Variants in GNAO1 observed in about 807,000 individuals in gnomAD.
GNAO1 encodes the protein guanine nucleotide-binding protein G(o) subunit alpha.
For missense variants in GNAO1, 166 were observed against 478.7 expected (o/e 0.35, Z 6.10); for synonymous variants, 164 against 180.7 (o/e 0.91, Z 0.74).
chr16:56,234,760 T>C (rs1181193986), intron 2 of GNAO1, among the ~76,000 whole-genome samples: 5 of 152,136 alleles, frequency 3.3e-5, no homozygotes, highest in East Asian at 1.9e-4. Flanking sequence ...AGTGACCACA[T>C]TGGGCATGCA....
intron 2 of GNAO1, among the ~76,000 whole-genome samples, chr16:56,268,032 G>A (rs1256105350): frequency 4.6e-5 from 7 of 152,136 alleles, no homozygotes; most frequent in South Asian, 4.1e-4. Flanking sequence ...TCCCAGGGGA[G>A]CATCAAGGGA....
rs1165884753 is a variant in GNAO1, at chr16:56,327,654, T to G, written c.304-977T>G. Among the ~76,000 whole-genome samples, 11 of 152,284 alleles carry G rather than the reference T, an allele frequency of 7.2e-5. No homozygotes were observed. In the East Asian group the frequency reaches 1.5e-3, roughly 21 times the overall value. On this transcript the variant is annotated intron_variant, in intron 3 of 8. Coordinates refer to ENST00000262493, the MANE Select transcript of GNAO1 (RefSeq NM_020988.3). ...TGTTACATGCATGTGATTGTAGTCTTTGAAAAGGCGACCCCACTTTGGTAT... is the reference window on the plus strand; with the variant it reads ...TGTTACATGCATGTGATTGTAGTCTGTGAAAAGGCGACCCCACTTTGGTAT...
intron 3 of GNAO1, among the ~76,000 whole-genome samples, chr16:56,314,853 G>A (rs141320243): frequency 2.3e-3 from 348 of 152,228 alleles, no homozygotes; most frequent in Middle Eastern, 0.014. Context: ...TTTGAGAACC[G>A]CTGATCTAGC....
rs572462630 is a variant in GNAO1 at position 56,351,806 on chromosome 16, A to T, written c.877+269A>T. On this transcript the variant is annotated intron_variant, in intron 7 of 8. Transcript: ENST00000262493. The surrounding 1 kb of genome is among the most constrained non-coding windows in gnomAD (Gnocchi z 6.1). ...GGAGTGGTGGGGAGCAGGGGGCAGG[A>T]CAGGATCACAGGCTTCCCCCTTCCT... The T allele has an allele frequency of 1.2e-5, 5 of 406,598 alleles. No individual in the cohort carries two copies. In the East Asian group the frequency reaches 2.2e-4, roughly 18 times the overall value. 25.2% of individuals were successfully genotyped at this position (406,598 alleles called of 1,614,324 possible). A position where few individuals can be genotyped will look rare whatever the true frequency, so the allele number is the denominator to read the frequency against.
chr16:56,246,806 C>G (rs761681138), intron 2 of GNAO1, among the ~76,000 whole-genome samples: 4 of 152,172 alleles, frequency 2.6e-5, no homozygotes, highest in Non-Finnish European at 5.9e-5. Context: ...AATGCCTCTC[C>G]TCTCCCCTCC....
Position 56,312,151 on chromosome 16 carries a change from C to T in GNAO1, c.304-16480C>T, listed in dbSNP as rs1199114606. 2.0e-5 allele frequency among the ~76,000 whole-genome samples: 3 copies of T among 152,142 alleles called. No homozygotes were observed. The East Asian group carries it at 5.8e-4, about 29-fold the overall frequency. On this transcript the variant is annotated intron_variant, in intron 3 of 8. Coordinates refer to ENST00000262493, the MANE Select transcript of GNAO1 (RefSeq NM_020988.3). Reference sequence around the variant, plus strand: ...TCCATTTCCTCTCGGAAGACCAGGCCACTAAATCACAGGGAAGCAGGGCTG... The same window carrying T: ...TCCATTTCCTCTCGGAAGACCAGGCTACTAAATCACAGGGAAGCAGGGCTG...
intron 2 of GNAO1, among the ~76,000 whole-genome samples, chr16:56,206,560 G>T (rs2143317139): frequency 6.6e-6 from 1 of 152,214 alleles, no homozygotes; most frequent in East Asian, 1.9e-4. Flanking sequence ...GGGGCACAAG[G>T]GAACTTTTGT....
chr16:56,229,948 C>A (rs188228928), intron 2 of GNAO1, among the ~76,000 whole-genome samples: 4 of 152,182 alleles, frequency 2.6e-5, no homozygotes, highest in Admixed American at 2.0e-4. Flanking sequence ...CGAAGGGCAT[C>A]GCCTGTAGCA....
At position 56,308,720 on chromosome 16, in the gene GNAO1, G is replaced by A. The variant is rs150378722; in HGVS notation, c.304-19911G>A. On this transcript the variant is annotated intron_variant, in intron 3 of 8. Transcript: ENST00000262493. ...TTGGAGACAGAGGAGGGATCACAGT[G>A]GACTGAGGTGAACCGGCACCCACGG... Among the ~76,000 whole-genome samples, 227 of 152,272 alleles carry A rather than the reference G, an allele frequency of 1.5e-3. 5 individuals carry two copies. The highest frequency in any genetic ancestry group is 7.0e-3 in the East Asian group (36 of 5,158).
chr16:56,345,165 C>T, intron 6 of GNAO1: 1 of 985,994 alleles, frequency 1.0e-6, no homozygotes, highest in South Asian at 4.7e-5. Context: ...GACGGTGACG[C>T]AGGTCTGGCT....
intron 2 of GNAO1, among the ~76,000 whole-genome samples, chr16:56,213,672 A>G (rs1422477876): frequency 1.6e-4 from 24 of 152,096 alleles, no homozygotes; most frequent in Non-Finnish European, 1.5e-5. Flanking sequence ...GGGCCATACT[A>G]GAAGATGAAA....
At chr16:56,316,798 G>A (rs1472630586) in intron 3 of GNAO1, among the ~76,000 whole-genome samples, 1 of 152,214 alleles carries the variant, frequency 6.6e-6, no homozygotes. Flanking sequence ...TCAGCCCTGG[G>A]CTTCACACAG....
In GNAO1 at chr16:56,306,398, C is replaced by T. The variant is rs537718863; in HGVS notation, c.304-22233C>T. On this transcript the variant is annotated intron_variant, in intron 3 of 8. Coordinates refer to ENST00000262493, the MANE Select transcript of GNAO1 (RefSeq NM_020988.3). Reference sequence around the variant, plus strand: ...GCAGGAGAGCTGGCCAAGCTGCCCCCGCTCCTTCAGGGTTTCCTCCCAACC... The same window carrying T: ...GCAGGAGAGCTGGCCAAGCTGCCCCTGCTCCTTCAGGGTTTCCTCCCAACC... Among the ~76,000 whole-genome samples, 5 of 152,324 alleles carry T rather than the reference C, an allele frequency of 3.3e-5. No individual in the cohort carries two copies. In the East Asian group the frequency reaches 5.8e-4, roughly 18 times the overall value.
chr16:56,245,991 A>C (rs1416292897), intron 2 of GNAO1, among the ~76,000 whole-genome samples: 1 of 152,198 alleles, frequency 6.6e-6, no homozygotes, highest in East Asian at 1.9e-4. Context: ...GCCCACACCC[A>C]TAATTACTGC....
intron 3 of GNAO1, among the ~76,000 whole-genome samples, chr16:56,325,165 G>A (rs764794188): frequency 4.6e-5 from 7 of 152,190 alleles, no homozygotes; most frequent in Non-Finnish European, 1.0e-4. Context: ...GTTTGCGGCA[G>A]AAAAATTATC....
intron 2 of GNAO1, among the ~76,000 whole-genome samples, chr16:56,220,227 C>A (rs918979461): frequency 1.3e-5 from 2 of 152,126 alleles, no homozygotes; most frequent in East Asian, 3.9e-4. Context: ...GCCATCATAC[C>A]TACCTGCTTA....
intron 2 of GNAO1, among the ~76,000 whole-genome samples, chr16:56,208,009 A>G (rs2036346492): frequency 6.6e-6 from 1 of 152,118 alleles, no homozygotes; most frequent in Non-Finnish European, 1.5e-5. Flanking sequence ...TTTCGTGGTA[A>G]GTTTCATGGG....
intron 6 of GNAO1, chr16:56,344,090 G>A: frequency 3.4e-6 from 5 of 1,467,456 alleles, no homozygotes; most frequent in Middle Eastern, 2.5e-4. Flanking sequence ...GAGGGAGGAG[G>A]GAGCATCCTC....
chr16:56,354,409 C>T lies in GNAO1; in HGVS notation c.878-457C>T, dbSNP rs1417586712. On this transcript the variant is annotated intron_variant, in intron 7 of 8. Transcript: ENST00000262493. The surrounding 1 kb of genome is among the most constrained non-coding windows in gnomAD (Gnocchi z 4.3). ...GTAATGGCAAGGCCAGGCGTGGTGGCTCACGTCTGTAATCCCAGCACTTTG... is the reference window on the plus strand; with the variant it reads ...GTAATGGCAAGGCCAGGCGTGGTGGTTCACGTCTGTAATCCCAGCACTTTG... Among the ~76,000 whole-genome samples the T allele has an allele frequency of 6.6e-6, 1 of 152,240 alleles. No homozygotes were observed. Among genetic ancestry groups the T allele is most frequent in the African/African-American group, 2.4e-5 (1 of 41,460 alleles).
Sources: allele counts gnomAD v4.1 joint callset (sites outside exome capture counted in the v4.1 genomes callset), GRCh38; gene constraint gnomAD v4.1.1; non-coding constraint Gnocchi (gnomAD v3.1); transcripts MANE v1.5; gene names NCBI Gene and HGNC (gene_info 2026-07-23, HGNC 2026-07-21).